Variants in SPATA2L observed in about 807,000 individuals in gnomAD.
SPATA2L encodes the protein spermatogenesis associated 2 like, also known as spermatogenesis-associated protein 2-like protein.
A neutral mutation model predicts 8.7 loss-of-function variants in SPATA2L; 5 were observed. The ratio of observed to expected loss-of-function variants is 0.57; its 90% CI spans 0.30 to 1.21. SPATA2L has a LOEUF of 1.21. SPATA2L is among the 50% of genes most tolerant of loss of function. The pLI is 0.07. For synonymous variants in SPATA2L, 358 were observed against 275.8 expected (o/e 1.30, Z -2.95); for missense variants, 671 against 591.0 (o/e 1.14, Z -1.40).
intron 1 of SPATA2L, 47 bp from the exon 2 acceptor site, chr16:89,701,280 C>G (rs2060774378): frequency 7.4e-7 from 1 of 1,351,450 alleles, no homozygotes; most frequent in African/African-American, 1.5e-5. Context: ...AGGCCGCGCC[C>G]AGCCCGCCGC....
At chr16:89,701,320 C>A (rs1412395425) in intron 1 of SPATA2L, 87 bp from the exon 2 acceptor site, 2 of 1,301,764 alleles carry the variant, frequency 1.5e-6, no homozygotes, top group Non-Finnish European at 2.0e-6. Flanking sequence ...CCAGCGTCCC[C>A]AGGACCCCTC....
rs769430899 is a variant in SPATA2L at position 89,697,133 on chromosome 16, C to G, written c.*201G>C. 1 of 1,373,278 alleles carries G rather than the reference C, an allele frequency of 7.3e-7. No homozygotes were observed. The highest frequency in any genetic ancestry group is 2.6e-5 in the East Asian group (1 of 38,122). 85.1% of individuals were successfully genotyped at this position (1,373,278 alleles called of 1,614,324 possible). A position where few individuals can be genotyped will look rare whatever the true frequency, so the allele number is the denominator to read the frequency against. ...GAAATGTGGAAAGGCTCCTGCTGGC[C>G]GGCTTAGGCCTGCTGCCCTTGGAGC... On this transcript the variant is annotated 3_prime_UTR_variant, in exon 3 of 3. Coordinates refer to ENST00000289805, the MANE Select transcript of SPATA2L (RefSeq NM_152339.4).
intron 2 of SPATA2L, among the ~76,000 whole-genome samples, chr16:89,700,628 C>T (rs1219532164): frequency 6.6e-6 from 1 of 152,228 alleles, no homozygotes; most frequent in Non-Finnish European, 1.5e-5. Context: ...GTGCCCCCGT[C>T]CTAAGATTTC....
chr16:89,697,550 TG>T lies in SPATA2L; in HGVS notation c.1058del (p.Pro353GlnfsTer244). ...ACAGGCAGCTGTGTGCCTGGTAGCC[TG>T]GGGGCTCCGAGACAGACCTATAGGC... Reference protein sequence around the residue: ...ASAYRSVSEPPGYQAHSCLSP... With the variant: ...ASAYRSVSEPXGYQAHSCLSP... On this transcript the variant is annotated frameshift_variant, in exon 3 of 3. Coordinates refer to ENST00000289805, the MANE Select transcript of SPATA2L (RefSeq NM_152339.4). LOFTEE classifies it low-confidence loss of function (END_TRUNC). The T allele has an allele frequency of 1.3e-6, 2 of 1,590,100 alleles. No homozygotes were observed. Among genetic ancestry groups the T allele is most frequent in the Non-Finnish European group, 8.6e-7 (1 of 1,169,108 alleles).
chr16:89,701,195 C>T lies in SPATA2L; in HGVS notation c.38G>A (p.Cys13Tyr), dbSNP rs2060773734. ...GCCCCGTCGCAGCTCGCGCTCCAGG[C>T]ACTGGCGGTAGTCCTCGGACAGCGA... Reference protein sequence around the residue: ...SSSLSEDYRQCLERELRRGRA... With the variant: ...SSSLSEDYRQYLERELRRGRA... The change falls in exon 2 of 3, where the codon TGC becomes TAC. Residue 13 changes from cysteine to tyrosine, a missense_variant. Transcript: ENST00000289805. 2.0e-6 allele frequency: 3 copies of T among 1,471,918 alleles called. No homozygotes were observed. The highest frequency in any genetic ancestry group is 1.8e-6 in the Non-Finnish European group (2 of 1,112,990). The allele number at this position is 1,471,918 out of a possible 1,614,324, so 91.2% of individuals were successfully genotyped here.
rs1248489345 is a variant in SPATA2L at position 89,701,214 on chromosome 16, A to T, written c.19T>A (p.Ser7Thr). Reference sequence around the variant, plus strand: ...TCCAGGCACTGGCGGTAGTCCTCGGACAGCGAGCTGCTGCCCATCCTGCGG... The same window carrying T: ...TCCAGGCACTGGCGGTAGTCCTCGGTCAGCGAGCTGCTGCCCATCCTGCGG... Reference protein sequence around the residue: MGSSSLSEDYRQCLERE... With the variant: MGSSSLTEDYRQCLERE... The change falls in exon 2 of 3, where the codon TCC becomes ACC. Residue 7 changes from serine to threonine, a missense_variant. Transcript: ENST00000289805. 2.8e-6 allele frequency: 4 copies of T among 1,445,284 alleles called. No homozygotes were observed. The Admixed American group carries it at 9.7e-5, about 35-fold the overall frequency. The allele number at this position is 1,445,284 out of a possible 1,614,324, so 89.5% of individuals were successfully genotyped here.
intron 2 of SPATA2L, among the ~76,000 whole-genome samples, chr16:89,699,917 G>C (rs1416835469): frequency 6.6e-6 from 1 of 152,188 alleles, no homozygotes; most frequent in Non-Finnish European, 1.5e-5. Context: ...CACTGCGAGC[G>C]TCTCCTGACT....
At position 89,697,177 on chromosome 16, in the gene SPATA2L, C is replaced by T. The variant is rs1029939797; in HGVS notation, c.*157G>A. On this transcript the variant is annotated 3_prime_UTR_variant, in exon 3 of 3. Transcript: ENST00000289805. ...TTGGAGCCTTCCATATACAGAGAGT[C>T]CCACCTCCAGCAAGGGTTGGCCTGG... The T allele has an allele frequency of 5.8e-6, 8 of 1,377,396 alleles. No individual in the cohort carries two copies. The highest frequency in any genetic ancestry group is 3.1e-5 in the Admixed American group (1 of 31,996). The allele number at this position is 1,377,396 out of a possible 1,614,324, so 85.3% of individuals were successfully genotyped here. A position where few individuals can be genotyped will look rare whatever the true frequency, so the allele number is the denominator to read the frequency against.
chr16:89,698,954 AT>A (rs1272438540), intron 2 of SPATA2L, among the ~76,000 whole-genome samples: 2 of 151,460 alleles, frequency 1.3e-5, no homozygotes, highest in Non-Finnish European at 2.9e-5. Flanking sequence ...CGCCCCACTA[AT>A]TTTTGTATAT....
In SPATA2L at chr16:89,697,569, C is replaced by G. The variant is rs1271872236; in HGVS notation, c.1040G>C (p.Arg347Thr). The G allele has an allele frequency of 2.5e-6, 4 of 1,598,466 alleles. No individual in the cohort carries two copies. Among genetic ancestry groups the G allele is most frequent in the Admixed American group, 1.7e-5 (1 of 59,470 alleles). The change falls in exon 3 of 3, where the codon AGG (arginine) becomes ACG (threonine). Residue 347 changes from arginine (R) to threonine (T), a missense_variant. Coordinates refer to ENST00000289805, the MANE Select transcript of SPATA2L (RefSeq NM_152339.4). ...GTAGCCTGGGGGCTCCGAGACAGAC[C>G]TATAGGCTGAGGCTGGTACCCCCTC... The part of the protein sequence containing the change: ...RAEGVPASAY[R>T]SVSEPPGYQA...
At chr16:89,701,487 G>T in intron 1 of SPATA2L, 141 bp downstream of exon 1, 1 of 402,092 alleles carries the variant, frequency 2.5e-6, no homozygotes, top group Non-Finnish European at 4.4e-6. Context: ...TCCAGCCTGG[G>T]TACCTCGGCC....
At position 89,696,761 on chromosome 16, in the gene SPATA2L, T is replaced by C; in HGVS notation, c.*573A>G. 2 of 1,528,384 alleles carry C rather than the reference T, an allele frequency of 1.3e-6. No homozygotes were observed. Among genetic ancestry groups the C allele is most frequent in the African/African-American group, 2.7e-5 (2 of 73,028 alleles). 94.7% of individuals were successfully genotyped at this position (1,528,384 alleles called of 1,614,324 possible). On this transcript the variant is annotated 3_prime_UTR_variant, in exon 3 of 3. Transcript: ENST00000289805. ...TCTGGTTTGAGGTCAGGTCATTTCC[T>C]GTCTGTGGGCCCAGCTGCTGTGACA...
At position 89,696,715 on chromosome 16, in the gene SPATA2L, C is replaced by A; in HGVS notation, c.*619G>T. Reference sequence around the variant, plus strand: ...AGCTGTCAGCCACTGCCCGTTCCTGCGCCTCTCGTGCACCTCCACATCTGG... The same window carrying A: ...AGCTGTCAGCCACTGCCCGTTCCTGAGCCTCTCGTGCACCTCCACATCTGG... On this transcript the variant is annotated 3_prime_UTR_variant, in exon 3 of 3. Coordinates refer to ENST00000289805, the MANE Select transcript of SPATA2L (RefSeq NM_152339.4). 7.1e-7 allele frequency: 1 copy of A among 1,401,532 alleles called. No homozygotes were observed. Among genetic ancestry groups the A allele is most frequent in the Non-Finnish European group, 9.6e-7 (1 of 1,037,902 alleles). The allele number at this position is 1,401,532 out of a possible 1,614,324, so 86.8% of individuals were successfully genotyped here.
chr16:89,696,677 T>C lies in SPATA2L; in HGVS notation c.*657A>G. On this transcript the variant is annotated 3_prime_UTR_variant, in exon 3 of 3. Coordinates refer to ENST00000289805, the MANE Select transcript of SPATA2L (RefSeq NM_152339.4). ...CCCTTCCGCCCAGCAGCAGTGACGC[T>C]CAGGGCCTTCCCAGCTGTCAGCCAC... The C allele has an allele frequency of 1.7e-6, 2 of 1,152,032 alleles. No homozygotes were observed. 71.4% of individuals were successfully genotyped at this position (1,152,032 alleles called of 1,614,324 possible). A position where few individuals can be genotyped will look rare whatever the true frequency, so the allele number is the denominator to read the frequency against.
chr16:89,697,103 G>C lies in SPATA2L; in HGVS notation c.*231C>G. Reference sequence around the variant, plus strand: ...GTGGGCATGCGTCTGGGTTCCGAGGGTGGGGAAATGTGGAAAGGCTCCTGC... The same window carrying C: ...GTGGGCATGCGTCTGGGTTCCGAGGCTGGGGAAATGTGGAAAGGCTCCTGC... On this transcript the variant is annotated 3_prime_UTR_variant, in exon 3 of 3. Coordinates refer to ENST00000289805, the MANE Select transcript of SPATA2L (RefSeq NM_152339.4). The C allele has an allele frequency of 7.3e-7, 1 of 1,378,570 alleles. No individual in the cohort carries two copies. Among genetic ancestry groups the C allele is most frequent in the East Asian group, 2.6e-5 (1 of 38,388 alleles). 85.4% of individuals were successfully genotyped at this position (1,378,570 alleles called of 1,614,324 possible).
In SPATA2L at chr16:89,700,911, C is replaced by G; in HGVS notation, c.303+19G>C. 1 of 1,430,768 alleles carries G rather than the reference C, an allele frequency of 7.0e-7. No individual in the cohort carries two copies. The highest frequency in any genetic ancestry group is 1.5e-5 in the South Asian group (1 of 67,056). The allele number at this position is 1,430,768 out of a possible 1,614,324, so 88.6% of individuals were successfully genotyped here. A position where few individuals can be genotyped will look rare whatever the true frequency, so the allele number is the denominator to read the frequency against. ...GCAGGCCAGGACGAGGGGCGCGCTC[C>G]TCCTGGCCTGGCGCCTACCTTGATG... On this transcript the variant is annotated intron_variant, in intron 2 of 2. Coordinates refer to ENST00000289805, the MANE Select transcript of SPATA2L (RefSeq NM_152339.4).
chr16:89,699,614 G>T (rs542697646), intron 2 of SPATA2L, among the ~76,000 whole-genome samples: 3 of 150,688 alleles, frequency 2.0e-5, no homozygotes, highest in Non-Finnish European at 4.4e-5. Context: ...GCAGTGGCTC[G>T]ATCTCTGCTC....
chr16:89,699,811 A>AT (rs1243751527), intron 2 of SPATA2L, among the ~76,000 whole-genome samples: 1 of 152,166 alleles, frequency 6.6e-6, no homozygotes, highest in Non-Finnish European at 1.5e-5. Flanking sequence ...CGGCCTCCCA[A>AT]AGAGCTGGGA....
In SPATA2L at chr16:89,696,560, C is replaced by G. The variant is rs2060724594; in HGVS notation, c.*774G>C. On this transcript the variant is annotated 3_prime_UTR_variant, in exon 3 of 3. Transcript: ENST00000289805. ...TAGGGCAGAGGCACCTCCTCGCCAG[C>G]CTGTGGGCTGCACCCACAGGGAATG... is the stretch of plus-strand genomic sequence containing the variant. The G allele has an allele frequency of 4.2e-6, 2 of 480,230 alleles. No homozygotes were observed. The highest frequency in any genetic ancestry group is 2.0e-5 in the African/African-American group (1 of 50,010). The allele number at this position is 480,230 out of a possible 1,614,324, so 29.7% of individuals were successfully genotyped here.
Sources: gnomAD v4.1 joint callset for allele counts (sites outside exome capture counted in the v4.1 genomes callset) on GRCh38, gnomAD v4.1.1 for gene constraint, MANE v1.5 for transcripts, NCBI Gene and HGNC (gene_info 2026-07-23, HGNC 2026-07-21) for gene names.